XKR4: variants seen among roughly 807,000 people sequenced by gnomAD.
XKR4 encodes XK-related protein 4.
A neutral mutation model predicts 53.9 loss-of-function variants in XKR4; 12 were observed. That is an observed-to-expected ratio of 0.22 (90% CI 0.14 to 0.36). The LOEUF (loss-of-function observed/expected upper bound fraction) is 0.36. XKR4 is among the 10% of genes least tolerant of loss of function. XKR4 has a pLI of 1.00. For synonymous variants in XKR4, 354 were observed against 362.4 expected, an observed-to-expected ratio of 0.98 and a Z score of 0.26; for missense variants, 799 against 859.5, an observed-to-expected ratio of 0.93 and a Z score of 0.88.
chr8:55,358,272 G>A (rs999859728), intron 2 of XKR4, among the ~76,000 whole-genome samples: 1 of 152,088 alleles, frequency 6.6e-6, no homozygotes, highest in African/African-American at 2.4e-5. Flanking sequence ...ATGTGTGTGT[G>A]TATATATGGT....
chr8:55,428,319 G>C (rs1030205762), intron 2 of XKR4, among the ~76,000 whole-genome samples: 9 of 152,140 alleles, frequency 5.9e-5, no homozygotes, highest in African/African-American at 1.9e-4. Flanking sequence ...ATTTGGGGAT[G>C]ACGTCTGGCA....
chr8:55,109,338 C>G (rs116173280), intron 1 of XKR4, among the ~76,000 whole-genome samples: 2 of 152,298 alleles, frequency 1.3e-5, no homozygotes, highest in East Asian at 3.9e-4. Flanking sequence ...ACATATTAGA[C>G]TAACCTTTGC....
chr8:55,294,764 T>C (rs191021258), intron 1 of XKR4, among the ~76,000 whole-genome samples: 54 of 152,348 alleles, frequency 3.5e-4, no homozygotes, highest in African/African-American at 1.3e-3. Context: ...GTTAGACACC[T>C]GCTTTGGTTA....
chr8:55,343,550 A>G (rs987933915), intron 1 of XKR4, among the ~76,000 whole-genome samples: 1 of 152,092 alleles, frequency 6.6e-6, no homozygotes, highest in Admixed American at 6.5e-5. Context: ...TGTAGACCAA[A>G]CCTGCCAATG....
intron 2 of XKR4, among the ~76,000 whole-genome samples, chr8:55,481,384 C>CG (rs1416916108): frequency 6.6e-6 from 1 of 151,630 alleles, no homozygotes; most frequent in African/African-American, 2.4e-5. Flanking sequence ...ACACCTTATA[C>CG]AAAAATGAAT....
intron 1 of XKR4, among the ~76,000 whole-genome samples, chr8:55,311,829 C>CA (rs57826022): frequency 0.11 from 10,956 of 97,596 alleles, 564 homozygotes; most frequent in Non-Finnish European, 0.15. Context: ...TGTAATTTAG[C>CA]AAAAAAAAAA....
At chr8:55,245,106 C>T (rs1215282700) in intron 1 of XKR4, among the ~76,000 whole-genome samples, 3 of 151,772 alleles carry the variant, frequency 2.0e-5, no homozygotes, top group Non-Finnish European at 2.9e-5. Context: ...TATTTTTCAC[C>T]ATGTTGGCAA....
chr8:55,271,877 CACTT>C (rs1478607905), intron 1 of XKR4, among the ~76,000 whole-genome samples: 27 of 152,208 alleles, frequency 1.8e-4, no homozygotes, highest in African/African-American at 4.8e-5. Flanking sequence ...CTGCAAGTCT[CACTT>C]ACAGCAGGCT....
At chr8:55,438,358 C>T (rs997918994) in intron 2 of XKR4, among the ~76,000 whole-genome samples, 10 of 151,762 alleles carry the variant, frequency 6.6e-5, no homozygotes, top group Non-Finnish European at 1.2e-4. Context: ...GAGGCCGAGG[C>T]GGGCAGATCA....
At chr8:55,208,624 A>G (rs1817682540) in intron 1 of XKR4, among the ~76,000 whole-genome samples, 3 of 151,602 alleles carry the variant, frequency 2.0e-5, no homozygotes, top group Admixed American at 1.3e-4. Context: ...CCACCACCAC[A>G]CCCAGCTAAT....
At chr8:55,335,506 C>A (rs1416674561) in intron 1 of XKR4, among the ~76,000 whole-genome samples, 1 of 151,908 alleles carries the variant, frequency 6.6e-6, no homozygotes, top group Non-Finnish European at 1.5e-5. Context: ...AAAACAAATG[C>A]CAATAATGTC....
chr8:55,538,727 A>T lies in XKR4; in HGVS notation c.*14500A>T, dbSNP rs1807064563. 6.6e-6 allele frequency: 1 copy of T among 152,218 alleles called. No homozygotes were observed. The highest frequency in any genetic ancestry group is 2.4e-5 in the African/African-American group (1 of 41,464). 9.4% of individuals were successfully genotyped at this position (152,218 alleles called of 1,614,324 possible). A position where few individuals can be genotyped will look rare whatever the true frequency, so the allele number is the denominator to read the frequency against. On this transcript the variant is annotated 3_prime_UTR_variant, in exon 3 of 3. Transcript: ENST00000327381. Reference sequence around the variant, plus strand: ...TTTCAGAATGCGTGCATGATGCCCCAGTTCTGTACTCATGATCACCAGGTG... The same window carrying T: ...TTTCAGAATGCGTGCATGATGCCCCTGTTCTGTACTCATGATCACCAGGTG...
At position 55,102,962 on chromosome 8, in the gene XKR4, G is replaced by A. The variant is rs1034806658; in HGVS notation, c.474G>A (p.Ser158=). 3.7e-6 allele frequency: 6 copies of A among 1,611,348 alleles called. No individual in the cohort carries two copies. In the African/African-American group the frequency reaches 5.3e-5, roughly 14 times the overall value. The part of the protein sequence containing the change: ...TLFFVVLGSL[S]VQVFSFRWFV... ...TCTTCGTGGTGCTCGGCTCTCTGTC[G>A]GTGCAAGTGTTCAGCTTCCGCTGGT... is the stretch of plus-strand genomic sequence containing the variant. Residue 158 remains serine, a synonymous_variant, in exon 1 of 3, where the codon TCG becomes TCA. Transcript: ENST00000327381. This position sits in a 1 kb window ranked among gnomAD's most constrained non-coding sequence, Gnocchi z 5.1.
At chr8:55,440,002 A>G (rs117488844) in intron 2 of XKR4, among the ~76,000 whole-genome samples, 4,384 of 152,286 alleles carry the variant, frequency 0.029, 84 homozygotes, top group Non-Finnish European at 0.047. Context: ...ATGAAGCCAG[A>G]TTTTTACAAA....
intron 2 of XKR4, among the ~76,000 whole-genome samples, chr8:55,482,674 A>C (rs979385000): frequency 6.6e-6 from 1 of 152,186 alleles, no homozygotes; most frequent in Non-Finnish European, 1.5e-5. Context: ...TTTTGTAAAA[A>C]ATAATTGAAC....
intron 2 of XKR4, among the ~76,000 whole-genome samples, chr8:55,376,698 C>A (rs1775790535): frequency 6.6e-6 from 1 of 152,060 alleles, no homozygotes; most frequent in Admixed American, 6.5e-5. Flanking sequence ...CTCACAAGCT[C>A]ATCTGTATCA....
chr8:55,468,612 T>A (rs1031033978), intron 2 of XKR4, among the ~76,000 whole-genome samples: 2 of 152,132 alleles, frequency 1.3e-5, no homozygotes, highest in African/African-American at 2.4e-5. Flanking sequence ...TCACTTTATA[T>A]CTATTAAAAA....
At chr8:55,255,193 G>A (rs1164059718) in intron 1 of XKR4, among the ~76,000 whole-genome samples, 2 of 152,250 alleles carry the variant, frequency 1.3e-5, no homozygotes, top group Non-Finnish European at 1.5e-5. Flanking sequence ...GCTCTGGATG[G>A]TAGAGTGCCT....
chr8:55,295,082 T>A (rs1204002738), intron 1 of XKR4, among the ~76,000 whole-genome samples: 1 of 152,222 alleles, frequency 6.6e-6, no homozygotes, highest in Admixed American at 6.5e-5. Context: ...CATTTTATTA[T>A]CATTATTCAC....
Sources: gnomAD v4.1 joint callset for allele counts (sites outside exome capture counted in the v4.1 genomes callset) on GRCh38, gnomAD v4.1.1 for gene constraint, Gnocchi (gnomAD v3.1) non-coding constraint, MANE v1.5 for transcripts, NCBI Gene and HGNC (gene_info 2026-07-23, HGNC 2026-07-21) for gene names.